Variants in ADAMTS19 observed in about 807,000 individuals in gnomAD.
The protein encoded by ADAMTS19 is ADAM metallopeptidase with thrombospondin type 1 motif 19, also known as A disintegrin and metalloproteinase with thrombospondin motifs 19.
A neutral mutation model predicts 153.3 loss-of-function variants in ADAMTS19; 93 were observed. The observed-to-expected ratio is 0.61, with a 90% confidence interval of 0.51 to 0.72. ADAMTS19 has a LOEUF of 0.72. Ranked by LOEUF, ADAMTS19 falls within the 30% of genes least tolerant of loss-of-function variation. The pLI, the probability that ADAMTS19 is intolerant of heterozygous loss-of-function variation, is 0.00. For missense variants in ADAMTS19, 1,482 were observed against 1,552.1 expected (o/e 0.95, Z 0.76); for synonymous variants, 600 against 556.6 (o/e 1.08, Z -1.10).
Position 129,461,716 on chromosome 5 carries a change from C to T in ADAMTS19, c.706C>T (p.Pro236Ser), listed in dbSNP as rs997843465. The change falls in exon 2 of 23, where the codon CCT becomes TCT. Residue 236 changes from proline to serine, a missense_variant. Coordinates refer to ENST00000274487, the MANE Select transcript of ADAMTS19 (RefSeq NM_133638.6). This position sits in a 1 kb window ranked among gnomAD's most constrained non-coding sequence, Gnocchi z 4.6. ...CTACACCGGAGCTGTGCTGCGGCACCCTGGCTCGCTGGCTTCTTTCAGCAC... is the reference window on the plus strand; with the variant it reads ...CTACACCGGAGCTGTGCTGCGGCACTCTGGCTCGCTGGCTTCTTTCAGCAC... Reference protein sequence around the residue: ...CFYTGAVLRHPGSLASFSTCG... With the variant: ...CFYTGAVLRHSGSLASFSTCG... 2.0e-6 allele frequency: 3 copies of T among 1,515,614 alleles called. No homozygotes were observed. The highest frequency in any genetic ancestry group is 2.6e-6 in the Non-Finnish European group (3 of 1,136,664). 93.9% of individuals were successfully genotyped at this position (1,515,614 alleles called of 1,614,324 possible).
chr5:129,503,769 A>G (rs1402328095), intron 2 of ADAMTS19, among the ~76,000 whole-genome samples: 1 of 152,232 alleles, frequency 6.6e-6, no homozygotes, highest in Admixed American at 6.5e-5. Context: ...CGGAGGTTCC[A>G]GTGAGCCAAG....
At chr5:129,694,253 A>G (rs1027732324) in intron 18 of ADAMTS19, among the ~76,000 whole-genome samples, 3 of 152,198 alleles carry the variant, frequency 2.0e-5, no homozygotes, top group African/African-American at 7.2e-5. Flanking sequence ...TATGTAAATT[A>G]TAAATAATAT....
chr5:129,536,792 T>A (rs1446424488), intron 6 of ADAMTS19, among the ~76,000 whole-genome samples: 95 of 151,976 alleles, frequency 6.3e-4, no homozygotes, highest in Non-Finnish European at 1.2e-4. Flanking sequence ...ATCATCATTC[T>A]CAGTAAACTA....
chr5:129,584,599 A>G (rs1017922798), intron 7 of ADAMTS19, among the ~76,000 whole-genome samples: 2 of 152,106 alleles, frequency 1.3e-5, no homozygotes, highest in Non-Finnish European at 2.9e-5. Context: ...CTGCCTAGAG[A>G]CGAGGAATCT....
In ADAMTS19 at chr5:129,461,963, G is replaced by A. The variant is rs1472508315; in HGVS notation, c.747+206G>A. 1.3e-5 allele frequency among the ~76,000 whole-genome samples: 2 copies of A among 152,168 alleles called. No individual in the cohort carries two copies. Among genetic ancestry groups the A allele is most frequent in the Non-Finnish European group, 2.9e-5 (2 of 68,026 alleles). On this transcript the variant is annotated intron_variant, in intron 2 of 22. Transcript: ENST00000274487. The surrounding 1 kb of genome is among the most constrained non-coding windows in gnomAD (Gnocchi z 4.6). ...TGTAAATCGGAAGTTTAATTGGGTGGATAAATGGCCTTCTCCTTCCAGATG... is the reference window on the plus strand; with the variant it reads ...TGTAAATCGGAAGTTTAATTGGGTGAATAAATGGCCTTCTCCTTCCAGATG...
At position 129,737,831 on chromosome 5, in the gene ADAMTS19, T is replaced by G. The variant is rs1160788262; in HGVS notation, c.*613T>G. The G allele has an allele frequency of 2.0e-5, 3 of 152,532 alleles. No individual in the cohort carries two copies. In the South Asian group the frequency reaches 6.2e-4, roughly 32 times the overall value. 9.4% of individuals were successfully genotyped at this position (152,532 alleles called of 1,614,324 possible). ...AAAAGAAAAGTCAAAATAGAGACTTTGATCATGTTCATGAACATGTACTTG... is the reference window on the plus strand; with the variant it reads ...AAAAGAAAAGTCAAAATAGAGACTTGGATCATGTTCATGAACATGTACTTG... On this transcript the variant is annotated 3_prime_UTR_variant, in exon 23 of 23. Transcript: ENST00000274487.
intron 2 of ADAMTS19, among the ~76,000 whole-genome samples, chr5:129,474,665 A>G (rs1287064392): frequency 6.6e-6 from 1 of 151,328 alleles, no homozygotes; most frequent in East Asian, 1.9e-4. Flanking sequence ...GTTTGGGAAC[A>G]TTTCTATCAA....
At chr5:129,658,325 GAAAGAAAGAAAGAA>G (rs1309579792) in intron 14 of ADAMTS19, among the ~76,000 whole-genome samples, 2 of 107,302 alleles carry the variant, frequency 1.9e-5, no homozygotes, top group Admixed American at 1.9e-4. Flanking sequence ...AAGAAAGAAA[GAAAGAAAGAAAGAA>G]AGAAAGAAAG....
intron 7 of ADAMTS19, among the ~76,000 whole-genome samples, chr5:129,582,448 G>T (rs1259313414): frequency 6.6e-6 from 1 of 151,400 alleles, no homozygotes; most frequent in Non-Finnish European, 1.5e-5. Flanking sequence ...TCATTTGCTT[G>T]TAAATATTAC....
intron 2 of ADAMTS19, among the ~76,000 whole-genome samples, chr5:129,505,831 C>A (rs1030653703): frequency 9.9e-5 from 15 of 151,934 alleles, no homozygotes; most frequent in Non-Finnish European, 1.9e-4. Context: ...TATTTTACAT[C>A]CAGATATTTA....
chr5:129,587,254 GTTTGA>G (rs1478502418), intron 7 of ADAMTS19, among the ~76,000 whole-genome samples: 2 of 150,604 alleles, frequency 1.3e-5, no homozygotes, highest in African/African-American at 4.9e-5. Flanking sequence ...AAGAATGTCT[GTTTGA>G]TTTTTTTTAT....
intron 6 of ADAMTS19, among the ~76,000 whole-genome samples, chr5:129,551,535 T>C (rs2126823053): frequency 6.7e-6 from 1 of 148,872 alleles, no homozygotes; most frequent in South Asian, 2.1e-4. Context: ...ATTTTTCAAA[T>C]GGAAAGCCTT....
At chr5:129,602,635 A>G (rs1750715589) in intron 8 of ADAMTS19, among the ~76,000 whole-genome samples, 3 of 152,300 alleles carry the variant, frequency 2.0e-5, no homozygotes, top group Admixed American at 2.0e-4. Context: ...TCTTTTCATT[A>G]AGTATATTGT....
At chr5:129,669,466 A>G (rs963142726) in intron 16 of ADAMTS19, among the ~76,000 whole-genome samples, 1 of 151,888 alleles carries the variant, frequency 6.6e-6, no homozygotes, top group African/African-American at 2.4e-5. Flanking sequence ...CCTCACTTTC[A>G]TTTCTGATTT....
chr5:129,654,559 T>A, intron 14 of ADAMTS19, 126 bp downstream of exon 14: 1 of 1,065,054 alleles, frequency 9.4e-7, no homozygotes, highest in Non-Finnish European at 1.3e-6. Context: ...AGTCCTGCCT[T>A]GACTGTGACC....
At chr5:129,659,218 A>G (rs1753721945) in intron 15 of ADAMTS19, among the ~76,000 whole-genome samples, 1 of 151,110 alleles carries the variant, frequency 6.6e-6, no homozygotes, top group Middle Eastern at 3.4e-3. Context: ...TACAACCAAG[A>G]GGCGTCAGAA....
intron 2 of ADAMTS19, among the ~76,000 whole-genome samples, chr5:129,482,799 G>A (rs1357595132): frequency 1.3e-5 from 2 of 152,112 alleles, no homozygotes; most frequent in African/African-American, 4.8e-5. Context: ...TATGTTCACA[G>A]TATCACCATA....
intron 8 of ADAMTS19, among the ~76,000 whole-genome samples, chr5:129,611,539 A>G (rs909837459): frequency 6.6e-6 from 1 of 152,292 alleles, no homozygotes; most frequent in Non-Finnish European, 1.5e-5. Flanking sequence ...CATTTATTAA[A>G]TAGGGAATCC....
At chr5:129,689,888 C>T (rs958249747) in intron 18 of ADAMTS19, among the ~76,000 whole-genome samples, 2 of 152,076 alleles carry the variant, frequency 1.3e-5, no homozygotes, top group African/African-American at 4.8e-5. Flanking sequence ...CTTATATTGA[C>T]AGAAACTATT....
Sources: allele counts gnomAD v4.1 joint callset (sites outside exome capture counted in the v4.1 genomes callset), GRCh38; gene constraint gnomAD v4.1.1; non-coding constraint Gnocchi (gnomAD v3.1); transcripts MANE v1.5; gene names NCBI Gene and HGNC (gene_info 2026-07-23, HGNC 2026-07-21).